PCDH15: variants seen among roughly 807,000 people sequenced by gnomAD.
PCDH15 encodes protocadherin-15.
A neutral mutation model predicts 178.5 loss-of-function variants in PCDH15; 129 were observed. The observed-to-expected ratio is 0.72, with a 90% CI of 0.63 to 0.84. The LOEUF is 0.84. PCDH15 is among the 40% of genes least tolerant of loss of function. The pLI is 0.00. For synonymous variants in PCDH15, 800 were observed against 732.0 expected, an observed-to-expected ratio of 1.09 and a Z score of -1.50; for missense variants, 2,230 against 2,099.9, an observed-to-expected ratio of 1.06 and a Z score of -1.21.
At chr10:54,272,553 G>T (rs1010121889) in intron 8 of PCDH15, among the ~76,000 whole-genome samples, 4 of 152,084 alleles carry the variant, frequency 2.6e-5, no homozygotes, top group African/African-American at 9.7e-5. Context: ...TTCAAAAGAT[G>T]TTAAGTAAAC....
intron 2 of PCDH15, among the ~76,000 whole-genome samples, chr10:55,582,742 G>A (rs1304214359): frequency 5.3e-5 from 8 of 149,902 alleles, no homozygotes; most frequent in East Asian, 2.0e-4. Context: ...ATGTGGCTTC[G>A]AATAAATAAT....
Position 54,183,516 on chromosome 10 carries a change from C to T in PCDH15, c.1518G>A (p.Thr506=), listed in dbSNP as rs141416774. The T allele has an allele frequency of 1.1e-5, 18 of 1,613,538 alleles. No homozygotes were observed. The highest frequency in any genetic ancestry group is 4.5e-5 in the East Asian group (2 of 44,838). ...CATAGGATATTTCAGGGAAGGTTGG[C>T]GTGTTATCATTTGCATCCATCACTT... ...NIQVMDANDN[T]PTFPEISYDV... Residue 506 remains threonine (T), a synonymous_variant, in exon 13 of 38, where the codon ACG becomes ACA. Coordinates refer to ENST00000644397, the MANE Select transcript of PCDH15 (RefSeq NM_001384140.1).
At chr10:54,680,733 G>C (rs1255929362) in intron 1 of PCDH15, among the ~76,000 whole-genome samples, 1 of 152,150 alleles carries the variant, frequency 6.6e-6, no homozygotes, top group African/African-American at 2.4e-5. Context: ...CTTGCCTGCT[G>C]CCATGTAAGA....
At chr10:54,314,579 T>C (rs1209265183) in intron 8 of PCDH15, among the ~76,000 whole-genome samples, 1 of 152,110 alleles carries the variant, frequency 6.6e-6, no homozygotes, top group African/African-American at 2.4e-5. Flanking sequence ...TGCAGGTTTG[T>C]TACATAGGTG....
At chr10:54,877,936 C>CTTTTTTTTTTTTTT (rs1954176789) in intron 3 of PCDH15, among the ~76,000 whole-genome samples, 2 of 104,350 alleles carry the variant, frequency 1.9e-5, no homozygotes, top group African/African-American at 6.8e-5. Flanking sequence ...CTCTCTCTCT[C>CTTTTTTTTTTTTTT]TCTTTTTTTT....
intron 15 of PCDH15, among the ~76,000 whole-genome samples, chr10:54,110,732 A>G (rs1218749472): frequency 1.3e-5 from 2 of 152,142 alleles, no homozygotes; most frequent in African/African-American, 4.8e-5. Context: ...CTTTGTTCTT[A>G]TGTGTGGGTG....
intron 1 of PCDH15, among the ~76,000 whole-genome samples, chr10:54,699,653 G>A (rs2095281446): frequency 6.6e-6 from 1 of 151,816 alleles, no homozygotes; most frequent in African/African-American, 2.4e-5. Flanking sequence ...GACAAAAATG[G>A]TAATATAATT....
intron 18 of PCDH15, among the ~76,000 whole-genome samples, chr10:54,035,988 A>C (rs2093408238): frequency 6.6e-6 from 1 of 151,972 alleles, no homozygotes; most frequent in Non-Finnish European, 1.5e-5. Flanking sequence ...ACATTCCCGT[A>C]AGCCAAAGCC....
At chr10:54,369,356 G>T in intron 4 of PCDH15, 81 bp from the exon 5 acceptor site, 1 of 1,260,338 alleles carries the variant, frequency 7.9e-7, no homozygotes, top group Non-Finnish European at 1.1e-6. Context: ...CGTTCATTCA[G>T]TACATTTTTC....
intron 2 of PCDH15, among the ~76,000 whole-genome samples, chr10:55,036,194 G>GA (rs1438392938): frequency 3.3e-5 from 5 of 152,116 alleles, no homozygotes; most frequent in Non-Finnish European, 5.9e-5. Flanking sequence ...GCCATGAGAT[G>GA]ATGAAGCAAG....
In PCDH15 at chr10:54,815,412, T is replaced by G. The variant is rs1280306527; in HGVS notation, c.-29+82038A>C. ...GTAAAAATGTAGTATTGTAACTGCA[T>G]AACATTTACTGCATTATATACTGTT... On this transcript the variant is annotated intron_variant, in intron 3 of 5. Coordinates refer to the PCDH15 transcript ENST00000458638. 5.3e-5 allele frequency among the ~76,000 whole-genome samples: 8 copies of G among 152,204 alleles called. No homozygotes were observed. The East Asian group carries it at 1.5e-3, about 29-fold the overall frequency.
chr10:54,129,683 G>A (rs544532354), intron 15 of PCDH15, among the ~76,000 whole-genome samples: 4 of 152,190 alleles, frequency 2.6e-5, no homozygotes, highest in Non-Finnish European at 4.4e-5. Context: ...GCTCCCTGGC[G>A]GTAAACAGGG....
intron 2 of PCDH15, among the ~76,000 whole-genome samples, chr10:54,542,795 T>C (rs1011248346): frequency 6.6e-6 from 1 of 152,180 alleles, no homozygotes; most frequent in African/African-American, 2.4e-5. Context: ...GGTCCCTGGC[T>C]AGGGCTCCAT....
intron 18 of PCDH15, among the ~76,000 whole-genome samples, chr10:54,061,187 G>T (rs994511547): frequency 6.6e-6 from 1 of 152,144 alleles, no homozygotes; most frequent in Non-Finnish European, 1.5e-5. Context: ...AGTTGAGTAT[G>T]AGGCCTCTAG....
chr10:54,641,130 A>AT (rs1376826520), intron 2 of PCDH15: 3 of 233,920 alleles, frequency 1.3e-5, no homozygotes, highest in Non-Finnish European at 2.6e-5. Flanking sequence ...AAAAATTAAA[A>AT]TTTTTTTAAA....
chr10:55,372,537 A>C (rs1004425409), intron 2 of PCDH15, among the ~76,000 whole-genome samples: 3 of 152,182 alleles, frequency 2.0e-5, no homozygotes, highest in Non-Finnish European at 2.9e-5. Context: ...GCATGAGGGA[A>C]AATAGTCAAA....
At chr10:55,045,597 T>C (rs920269412) in intron 2 of PCDH15, among the ~76,000 whole-genome samples, 2 of 152,268 alleles carry the variant, frequency 1.3e-5, no homozygotes, top group Admixed American at 6.6e-5. Flanking sequence ...TTACTAAAGA[T>C]AACTGTTTTG....
chr10:54,166,172 C>T (rs974709662), intron 13 of PCDH15, among the ~76,000 whole-genome samples: 2 of 152,182 alleles, frequency 1.3e-5, no homozygotes, highest in African/African-American at 4.8e-5. Context: ...ATATTATCTT[C>T]ACTTGCCTAT....
intron 2 of PCDH15, among the ~76,000 whole-genome samples, chr10:55,426,437 G>T (rs1466864734): frequency 6.6e-6 from 1 of 152,130 alleles, no homozygotes; most frequent in Non-Finnish European, 1.5e-5. Context: ...GCAGGTACAG[G>T]AGCAGGCAGA....
Sources: gnomAD v4.1 joint callset for allele counts (sites outside exome capture counted in the v4.1 genomes callset) on GRCh38, gnomAD v4.1.1 for gene constraint, MANE v1.5 for transcripts, NCBI Gene and HGNC (gene_info 2026-07-23, HGNC 2026-07-21) for gene names.